Variants in ARHGAP20 observed in about 807,000 individuals in gnomAD.
ARHGAP20 encodes Rho GTPase activating protein 20, also known as rho GTPase-activating protein 20.
In ARHGAP20, 34 loss-of-function variants were observed where a neutral mutation model predicts 73.7. The ratio of observed to expected loss-of-function variants is 0.46; its 90% CI spans 0.35 to 0.61. ARHGAP20 has a LOEUF of 0.61. Among genes scored for constraint, ARHGAP20 ranks in the 20% least tolerant of loss-of-function variants. The pLI is 0.00. For synonymous variants in ARHGAP20, 523 were observed against 518.2 expected (o/e 1.01, Z -0.13); for missense variants, 1,314 against 1,420.9 (o/e 0.92, Z 1.21).
intron 8 of ARHGAP20, among the ~76,000 whole-genome samples, chr11:110,608,024 T>G (rs1948274667): frequency 6.6e-6 from 1 of 152,202 alleles, no homozygotes. Context: ...TTTAGCTCTG[T>G]GCATGATCAC....
At chr11:110,708,097 A>C (rs1480368730) in intron 1 of ARHGAP20, among the ~76,000 whole-genome samples, 1 of 152,136 alleles carries the variant, frequency 6.6e-6, no homozygotes, top group Non-Finnish European at 1.5e-5. Context: ...ATTGGGCAAA[A>C]TATTTAGACA....
At chr11:110,669,818 T>A (rs113863788) in intron 2 of ARHGAP20, among the ~76,000 whole-genome samples, 1 of 152,114 alleles carries the variant, frequency 6.6e-6, no homozygotes, top group African/African-American at 2.4e-5. Flanking sequence ...ATTGAGAGGT[T>A]TGAAAGCATA....
intron 1 of ARHGAP20, among the ~76,000 whole-genome samples, chr11:110,709,795 A>C (rs1191188615): frequency 6.6e-6 from 1 of 152,228 alleles, no homozygotes; most frequent in Non-Finnish European, 1.5e-5. Context: ...TTTTATTATA[A>C]ATGGATGAAA....
At chr11:110,686,807 A>C (rs1328009814) in intron 2 of ARHGAP20, among the ~76,000 whole-genome samples, 1 of 152,012 alleles carries the variant, frequency 6.6e-6, no homozygotes, top group Non-Finnish European at 1.5e-5. Context: ...AGAAAGGCTT[A>C]GGAATCACTA....
Position 110,701,672 on chromosome 11 carries a change from A to C in ARHGAP20, c.105+10455T>G, listed in dbSNP as rs1030479869. 5.1e-4 allele frequency among the ~76,000 whole-genome samples: 77 copies of C among 152,238 alleles called. 1 individual carries two copies. The highest frequency in any genetic ancestry group is 9.1e-4 in the Non-Finnish European group (62 of 68,022). On this transcript the variant is annotated intron_variant, in intron 1 of 14. Transcript: ENST00000683387. Reference sequence around the variant, plus strand: ...AGTCCTTGCCCATGCCTATGTCCTGAATGGTAATGCCCAGGTTTTCTTCTA... The same window carrying C: ...AGTCCTTGCCCATGCCTATGTCCTGCATGGTAATGCCCAGGTTTTCTTCTA...
chr11:110,691,651 G>A (rs1419798184), intron 1 of ARHGAP20, among the ~76,000 whole-genome samples: 1 of 152,124 alleles, frequency 6.6e-6, no homozygotes, highest in African/African-American at 2.4e-5. Flanking sequence ...AATAAAGAAA[G>A]AATCATCCAG....
At chr11:110,625,037 T>A (rs551270701) in intron 3 of ARHGAP20, among the ~76,000 whole-genome samples, 21,051 of 137,506 alleles carry the variant, frequency 0.15, 1,852 homozygotes, top group East Asian at 0.26. Context: ...TTTTTATTTT[T>A]TTTTTTTTTT....
rs762653052 is a variant in ARHGAP20 at position 110,606,591 on chromosome 11, T to A, written c.934A>T (p.Ser312Cys). Residue 312 changes from serine (S) to cysteine (C), a missense_variant, in exon 9 of 15, where the codon AGC becomes TGC. Physicochemically the swap from Ser to Cys is moderately radical, Grantham distance 112. This residue lies in a region of ARHGAP20 where 443 missense variants were observed against 466.4 expected (regional missense o/e 0.95). Coordinates refer to ENST00000683387, the MANE Select transcript of ARHGAP20 (RefSeq NM_001384657.1). ...EMQCQFILKP[S>C]RLAAAQQLSD... ...AGTTGCTGGGCTGCAGCCAGGCGGC[T>A]GGGCTTCAGGATGAACTGGCACTGC... is the stretch of plus-strand genomic sequence containing the variant. 2 of 1,611,296 alleles carry A rather than the reference T, an allele frequency of 1.2e-6. No individual in the cohort carries two copies. The highest frequency in any genetic ancestry group is 3.4e-5 in the Admixed American group (2 of 59,624).
At position 110,699,369 on chromosome 11, in the gene ARHGAP20, T is replaced by G. The variant is rs534675390; in HGVS notation, c.106-8740A>C. ...AATGCTCCATGCAGAGTGACAAGAA[T>G]GTATATTCTGTGGTCGGCTAGAATG... On this transcript the variant is annotated intron_variant, in intron 1 of 14. Transcript: ENST00000683387. 2.0e-5 allele frequency among the ~76,000 whole-genome samples: 3 copies of G among 152,018 alleles called. No homozygotes were observed. In the South Asian group the frequency reaches 6.2e-4, roughly 32 times the overall value.
intron 4 of ARHGAP20, among the ~76,000 whole-genome samples, chr11:110,618,483 T>G (rs893356172): frequency 2.6e-5 from 4 of 152,260 alleles, no homozygotes; most frequent in African/African-American, 7.2e-5. Flanking sequence ...TTTCCCATTC[T>G]TTCATACCGT....
chr11:110,595,668 TC>T (rs1368316600), intron 9 of ARHGAP20, among the ~76,000 whole-genome samples: 2 of 152,124 alleles, frequency 1.3e-5, no homozygotes, highest in African/African-American at 4.8e-5. Flanking sequence ...GGAAGAACAT[TC>T]CATGCTCATG....
intron 2 of ARHGAP20, among the ~76,000 whole-genome samples, chr11:110,682,557 A>G (rs900973814): frequency 2.6e-5 from 4 of 152,124 alleles, no homozygotes; most frequent in East Asian, 3.9e-4. Context: ...CAACTATGTG[A>G]CCTAGAGGAA....
chr11:110,629,993 AAT>A (rs1241257417), intron 3 of ARHGAP20, among the ~76,000 whole-genome samples: 1 of 152,220 alleles, frequency 6.6e-6, no homozygotes, highest in Non-Finnish European at 1.5e-5. Context: ...ATAGATAATC[AAT>A]ATAGCCTACA....
At chr11:110,647,657 A>G (rs1949226327) in intron 2 of ARHGAP20, among the ~76,000 whole-genome samples, 1 of 152,170 alleles carries the variant, frequency 6.6e-6, no homozygotes, top group Admixed American at 6.6e-5. Flanking sequence ...AAATTTGTTA[A>G]AAAGATAAAA....
intron 9 of ARHGAP20, among the ~76,000 whole-genome samples, chr11:110,595,093 A>G (rs1460659780): frequency 1.3e-5 from 2 of 151,326 alleles, no homozygotes; most frequent in African/African-American, 4.9e-5. Context: ...AAATTCAACA[A>G]CCCTTCATGC....
intron 2 of ARHGAP20, among the ~76,000 whole-genome samples, chr11:110,635,533 T>G (rs1948948976): frequency 6.6e-6 from 1 of 152,136 alleles, no homozygotes; most frequent in African/African-American, 2.4e-5. Context: ...TCAGCTAAGT[T>G]GAACTTTTGA....
At position 110,586,294 on chromosome 11, in the gene ARHGAP20, A is replaced by G; in HGVS notation, c.1337T>C (p.Phe446Ser). 1.3e-6 allele frequency: 2 copies of G among 1,577,574 alleles called. No homozygotes were observed. Among genetic ancestry groups the G allele is most frequent in the Non-Finnish European group, 8.6e-7 (1 of 1,162,624 alleles). The stretch of plus-strand genomic sequence containing the variant: ...CCAGTGATCATAGAGATCTGATGAA[A>G]AAATACTTCCTGGAATATTTCGCAG... ...DFLRNIPGSI[F>S]SSDLYDHWVS... The change falls in exon 12 of 15, where the codon TTT (phenylalanine) becomes TCT (serine). Residue 446 changes from phenylalanine to serine, a missense_variant. Phe to Ser is a radical substitution (Grantham distance 155, BLOSUM62 -2). Around this residue, in one of 3 missense-constraint regions of ARHGAP20, gnomAD observed 230 missense variants for 317.6 expected, o/e 0.72. Transcript: ENST00000683387.
chr11:110,704,986 A>T (rs994741982), intron 1 of ARHGAP20, among the ~76,000 whole-genome samples: 5 of 152,216 alleles, frequency 3.3e-5, no homozygotes, highest in Non-Finnish European at 7.3e-5. Context: ...TTATGTACAC[A>T]CATATAACTT....
intron 2 of ARHGAP20, among the ~76,000 whole-genome samples, chr11:110,667,703 T>C (rs7934390): frequency 0.027 from 4,059 of 152,274 alleles, 188 homozygotes; most frequent in African/African-American, 0.094. Flanking sequence ...CCATTCTAGA[T>C]AGCATTAAGA....
Sources: allele counts gnomAD v4.1 joint callset (sites outside exome capture counted in the v4.1 genomes callset), GRCh38; gene constraint gnomAD v4.1.1; regional missense constraint gnomAD v4.1.1; transcripts MANE v1.5; gene names NCBI Gene and HGNC (gene_info 2026-07-23, HGNC 2026-07-21).